Variants in SLC12A6 observed in about 807,000 individuals in gnomAD.
The protein encoded by SLC12A6 is solute carrier family 12 member 6.
In SLC12A6, 66 loss-of-function variants were observed where a neutral mutation model predicts 135.3. That is an observed-to-expected ratio of 0.49 (90% CI 0.40 to 0.60). The LOEUF is 0.60. SLC12A6 is among the 20% of genes least tolerant of loss of function. SLC12A6 has a pLI of 0.00. For synonymous variants in SLC12A6, 513 were observed against 508.8 expected (o/e 1.01, Z -0.11); for missense variants, 1,058 against 1,452.3 (o/e 0.73, Z 4.41).
At chr15:34,246,229 A>G (rs1040801100) in intron 13 of SLC12A6, among the ~76,000 whole-genome samples, 1 of 151,506 alleles carries the variant, frequency 6.6e-6, no homozygotes, top group African/African-American at 2.4e-5. Context: ...CACTGCGTCC[A>G]GCCCACCCAG....
chr15:34,337,071 T>C, intron 1 of SLC12A6: 1 of 329,882 alleles, frequency 3.0e-6, no homozygotes, highest in Non-Finnish European at 5.8e-6. Context: ...CCCAGTTTCC[T>C]GTCGAGGTAG....
intron 11 of SLC12A6, 71 bp from the exon 12 acceptor site, chr15:34,250,800 G>C: frequency 2.9e-6 from 4 of 1,378,326 alleles, no homozygotes; most frequent in Non-Finnish European, 4.1e-6. Flanking sequence ...ATAGCAAAGA[G>C]TAGAAGCAAA....
intron 2 of SLC12A6, among the ~76,000 whole-genome samples, chr15:34,307,557 A>G (rs982521674): frequency 6.6e-6 from 1 of 152,222 alleles, no homozygotes; most frequent in African/African-American, 2.4e-5. Context: ...CCTGGTCTAC[A>G]GCCTCCATCT....
In SLC12A6 at chr15:34,250,664, T is replaced by C; in HGVS notation, c.1558A>G (p.Thr520Ala). 6.2e-7 allele frequency: 1 copy of C among 1,602,488 alleles called. No homozygotes were observed. The highest frequency in any genetic ancestry group is 8.6e-7 in the Non-Finnish European group (1 of 1,169,380). ...KDAQKSIPIG[T>A]ILAILTTSFV... ...GAGGTGGTCAGGATGGCAAGGATAG[T>C]ACCAATCGGAATAGACTTCTGAGCA... Residue 520 changes from threonine (T) to alanine (A), a missense_variant, in exon 12 of 26, where the codon ACT (threonine) becomes GCT (alanine). Physicochemically the swap from Thr to Ala is moderately conservative, Grantham distance 58 (BLOSUM62 0). This residue lies in a region of SLC12A6 where 297 missense variants were observed against 318.5 expected (regional missense o/e 0.93). Coordinates refer to ENST00000354181, the MANE Select transcript of SLC12A6 (RefSeq NM_001365088.1).
intron 2 of SLC12A6, among the ~76,000 whole-genome samples, chr15:34,308,037 CT>C (rs917494477): frequency 6.6e-6 from 1 of 152,012 alleles, no homozygotes. Flanking sequence ...TAGTATTTTT[CT>C]CTAGAAAGAA....
At chr15:34,291,024 T>C (rs1895483377) in intron 2 of SLC12A6, among the ~76,000 whole-genome samples, 1 of 152,208 alleles carries the variant, frequency 6.6e-6, no homozygotes, top group African/African-American at 2.4e-5. Context: ...ATCCTGTCAT[T>C]ATGTGCTAGC....
intron 16 of SLC12A6, among the ~76,000 whole-genome samples, chr15:34,242,894 G>A (rs1052406283): frequency 6.6e-6 from 1 of 152,066 alleles, no homozygotes; most frequent in Admixed American, 6.5e-5. Context: ...GCCGGGTGTG[G>A]TGACGGGCGC....
chr15:34,252,264 A>T lies in SLC12A6; in HGVS notation c.1239T>A (p.Ser413Arg). The change falls in exon 10 of 26, where the codon AGT becomes AGA. Residue 413 changes from serine (S) to arginine (R), a missense_variant. By Grantham distance (110) the Ser-to-Arg change is moderately radical. Around this residue, in one of 6 missense-constraint regions of SLC12A6, gnomAD observed 297 missense variants for 318.5 expected, o/e 0.93. Transcript: ENST00000354181. ...SKLWGFFCNS[S>R]QFFNATCDEY... is the part of the protein sequence containing the mutation. ...CATCACAGGTGGCATTGAAAAATTG[A>T]CTCGAGTTACAGAAGAATCCCCATA... 1 of 1,608,042 alleles carries T rather than the reference A, an allele frequency of 6.2e-7. No individual in the cohort carries two copies.
chr15:34,268,074 C>T (rs1893651898), intron 3 of SLC12A6, among the ~76,000 whole-genome samples: 1 of 152,124 alleles, frequency 6.6e-6, no homozygotes, highest in African/African-American at 2.4e-5. Flanking sequence ...CATGTCATTT[C>T]TCTTGAGGGT....
Position 34,295,913 on chromosome 15 carries a change from T to C in SLC12A6, c.272-20524A>G, listed in dbSNP as rs1036097558. 3.3e-5 allele frequency among the ~76,000 whole-genome samples: 5 copies of C among 152,140 alleles called. No homozygotes were observed. In the South Asian group the frequency reaches 8.3e-4, roughly 25 times the overall value. ...TACTCGGGAGGCTGAGGCAGGAGAA[T>C]TGCTTGAACCCAGGAGAAGGAGGTT... is the stretch of plus-strand genomic sequence containing the variant. On this transcript the variant is annotated intron_variant, in intron 2 of 25. Coordinates refer to ENST00000354181, the MANE Select transcript of SLC12A6 (RefSeq NM_001365088.1).
intron 2 of SLC12A6, among the ~76,000 whole-genome samples, chr15:34,309,602 G>T (rs1888005880): frequency 6.6e-6 from 1 of 151,998 alleles, no homozygotes; most frequent in East Asian, 1.9e-4. Flanking sequence ...GAGAAAGAAG[G>T]GTCACAATCT....
In SLC12A6 at chr15:34,232,536, C is replaced by G. The variant is rs1891013862; in HGVS notation, c.*1345G>C. ...AGCCACGGCACCCGGCCTGAAGTTTCTGAAAACAAATTAGAAGACTGTTGG... is the reference window on the plus strand; with the variant it reads ...AGCCACGGCACCCGGCCTGAAGTTTGTGAAAACAAATTAGAAGACTGTTGG... On this transcript the variant is annotated 3_prime_UTR_variant, in exon 26 of 26. Transcript: ENST00000354181. The G allele has an allele frequency of 6.6e-6, 1 of 152,252 alleles. No homozygotes were observed. The highest frequency in any genetic ancestry group is 1.5e-5 in the Non-Finnish European group (1 of 68,058). The allele number at this position is 152,252 out of a possible 1,614,324, so 9.4% of individuals were successfully genotyped here.
intron 2 of SLC12A6, among the ~76,000 whole-genome samples, chr15:34,307,728 T>C (rs1595543110): frequency 6.6e-6 from 1 of 151,978 alleles, no homozygotes; most frequent in Non-Finnish European, 1.5e-5. Flanking sequence ...GTATATGTAA[T>C]TTTTTTTACT....
At chr15:34,271,818 T>C (rs1893975172) in intron 3 of SLC12A6, among the ~76,000 whole-genome samples, 1 of 152,164 alleles carries the variant, frequency 6.6e-6, no homozygotes, top group African/African-American at 2.4e-5. Context: ...AGGGCTTTTA[T>C]ATATCCAATT....
Position 34,305,212 on chromosome 15 carries a change from T to C in SLC12A6, c.272-29823A>G, listed in dbSNP as rs140931612. ...ACAAGGATATCCCTATGTATGTGTT[T>C]TTCATCACTGATCTCCCCCAGAACT... On this transcript the variant is annotated intron_variant, in intron 2 of 25. Coordinates refer to ENST00000354181, the MANE Select transcript of SLC12A6 (RefSeq NM_001365088.1). Among the ~76,000 whole-genome samples the C allele has an allele frequency of 3.9e-5, 6 of 152,268 alleles. No homozygotes were observed. The East Asian group carries it at 1.2e-3, about 29-fold the overall frequency.
chr15:34,302,721 T>C (rs1421910806), intron 2 of SLC12A6, among the ~76,000 whole-genome samples: 1 of 146,818 alleles, frequency 6.8e-6, no homozygotes, highest in Non-Finnish European at 1.5e-5. Context: ...GAGGTGGAGG[T>C]GGGATGATTG....
At chr15:34,267,537 C>T (rs1893609828) in intron 3 of SLC12A6, among the ~76,000 whole-genome samples, 1 of 152,188 alleles carries the variant, frequency 6.6e-6, no homozygotes, top group Non-Finnish European at 1.5e-5. Context: ...CCAGTAGCAC[C>T]TCCAGTAGTG....
intron 22 of SLC12A6, 109 bp downstream of exon 22, chr15:34,237,310 T>C: frequency 1.1e-6 from 1 of 916,270 alleles, no homozygotes; most frequent in Non-Finnish European, 1.7e-6. Context: ...CACTAGGGGA[T>C]TAATCCACAT....
chr15:34,237,383 A>G, intron 22 of SLC12A6, 36 bp downstream of exon 22: 2 of 1,591,292 alleles, frequency 1.3e-6, no homozygotes, highest in Middle Eastern at 1.7e-4. Flanking sequence ...GGAATGGGGG[A>G]ATGAACCTCT....
Sources: gnomAD v4.1 joint callset for allele counts (sites outside exome capture counted in the v4.1 genomes callset) on GRCh38, gnomAD v4.1.1 for gene constraint, gnomAD v4.1.1 regional missense constraint, MANE v1.5 for transcripts, NCBI Gene and HGNC (gene_info 2026-07-23, HGNC 2026-07-21) for gene names.